Variants in TRIM65 observed in about 807,000 individuals in gnomAD.
The protein encoded by TRIM65 is tripartite motif containing 65.
In TRIM65, 46 loss-of-function variants were observed where a neutral mutation model predicts 36.1. The ratio of observed to expected loss-of-function variants is 1.27; its 90% CI spans 1.01 to 1.63. The LOEUF is 1.63. Ranked by LOEUF, TRIM65 falls within the 40% of genes most tolerant of loss-of-function variation. The pLI is 0.00. For synonymous variants in TRIM65, 346 were observed against 313.6 expected, an observed-to-expected ratio of 1.10 and a Z score of -1.09; for missense variants, 708 against 696.6, an observed-to-expected ratio of 1.02 and a Z score of -0.18.
chr17:75,893,964 ATCC>A (rs1343852634), intron 1 of TRIM65, among the ~76,000 whole-genome samples: 1 of 152,126 alleles, frequency 6.6e-6, no homozygotes, highest in Non-Finnish European at 1.5e-5. Flanking sequence ...ATCTCGTCTC[ATCC>A]TCCTCGGCGG....
chr17:75,892,993 C>G (rs745426004), intron 1 of TRIM65, 143 bp from the exon 2 acceptor site: 13 of 695,666 alleles, frequency 1.9e-5, no homozygotes, highest in Non-Finnish European at 2.9e-5. Flanking sequence ...GCACCGGCCT[C>G]GGTCTAACCC....
chr17:75,893,930 T>C (rs1031490650), intron 1 of TRIM65, among the ~76,000 whole-genome samples: 3 of 152,122 alleles, frequency 2.0e-5, no homozygotes, highest in Admixed American at 2.0e-4. Flanking sequence ...AGCTCAGTCT[T>C]CTGCACCCGC....
rs1203177176 is a variant in TRIM65 at position 75,890,412 on chromosome 17, C to G, written c.*367G>C. On this transcript the variant is annotated 3_prime_UTR_variant, in exon 6 of 6. Transcript: ENST00000269383. ...ACTCTGGCTCACCGCCCCTCCCTGA[C>G]TGCTCCTTTGGCCCTTATCATCTCC... The G allele has an allele frequency of 1.1e-5, 2 of 174,528 alleles. No individual in the cohort carries two copies. Among genetic ancestry groups the G allele is most frequent in the Non-Finnish European group, 2.4e-5 (2 of 83,946 alleles). 10.8% of individuals were successfully genotyped at this position (174,528 alleles called of 1,614,324 possible). A position where few individuals can be genotyped will look rare whatever the true frequency, so the allele number is the denominator to read the frequency against.
At position 75,891,098 on chromosome 17, in the gene TRIM65, T is replaced by A; in HGVS notation, c.1235A>T (p.His412Leu). 6.2e-7 allele frequency: 1 copy of A among 1,610,220 alleles called. No homozygotes were observed. The change falls in exon 6 of 6, where the codon CAC becomes CTC. Residue 412 changes from histidine to leucine, a missense_variant. Coordinates refer to ENST00000269383, the MANE Select transcript of TRIM65 (RefSeq NM_173547.4). Reference protein sequence around the residue: ...PQLPRCRLGPHTDNIGRGPCS... With the variant: ...PQLPRCRLGPLTDNIGRGPCS... ...GGGTCCCCGGCCAATGTTGTCTGTG[T>A]GGGGCCCCAGCCTGCACCGTGGCAG...
In TRIM65 at chr17:75,896,556, C is replaced by G; in HGVS notation, c.382G>C (p.Ala128Pro). Residue 128 changes from alanine to proline, a missense_variant, in exon 1 of 6, where the codon GCG (alanine) becomes CCG (proline). Ala to Pro is a conservative substitution (Grantham distance 27). Coordinates refer to ENST00000269383, the MANE Select transcript of TRIM65 (RefSeq NM_173547.4). ...TVRECRLHER[A>P]LLDAERLKRE... ...TTGAGGCGCTCGGCATCCAGCAGCG[C>G]CCGCTCGTGGAGGCGACACTCGCGC... 1 of 1,360,114 alleles carries G rather than the reference C, an allele frequency of 7.4e-7. No individual in the cohort carries two copies. Among genetic ancestry groups the G allele is most frequent in the Non-Finnish European group, 9.5e-7 (1 of 1,057,690 alleles). The allele number at this position is 1,360,114 out of a possible 1,614,324, so 84.3% of individuals were successfully genotyped here.
intron 4 of TRIM65, among the ~76,000 whole-genome samples, chr17:75,883,212 G>A (rs2065180041): frequency 6.7e-6 from 1 of 148,856 alleles, no homozygotes; most frequent in Admixed American, 6.6e-5. Flanking sequence ...CGCCTCCTGG[G>A]TTCAAGCCAT....
At chr17:75,880,414 T>TCCCAAAGTGCTAGGATTACAGGCGTGAG (rs2065162360) in exon 5 of TRIM65, 2 of 148,080 alleles carry the variant, frequency 1.4e-5, no homozygotes, top group African/African-American at 2.6e-5. Context: ...TGCCTCAGCC[T>TCCCAAAGTGCTAGGATTACAGGCGTGAG]CCCAAAGTGC....
In TRIM65 at chr17:75,896,948, C is replaced by A; in HGVS notation, c.-11G>T. 1.3e-6 allele frequency: 2 copies of A among 1,484,380 alleles called. No individual in the cohort carries two copies. The highest frequency in any genetic ancestry group is 1.8e-6 in the Non-Finnish European group (2 of 1,122,716). 92.0% of individuals were successfully genotyped at this position (1,484,380 alleles called of 1,614,324 possible). A position where few individuals can be genotyped will look rare whatever the true frequency, so the allele number is the denominator to read the frequency against. ...CAGCTGCGCGGCCATGGCCCGGCGGCGGCGAGAGCCAGGCGGGCCCCGGGC... is the reference window on the plus strand; with the variant it reads ...CAGCTGCGCGGCCATGGCCCGGCGGAGGCGAGAGCCAGGCGGGCCCCGGGC... On this transcript the variant is annotated 5_prime_UTR_variant, in exon 1 of 6. Coordinates refer to ENST00000269383, the MANE Select transcript of TRIM65 (RefSeq NM_173547.4).
chr17:75,891,061 C>G lies in TRIM65; in HGVS notation c.1272G>C (p.Gly424=). 1 of 1,612,290 alleles carries G rather than the reference C, an allele frequency of 6.2e-7. No individual in the cohort carries two copies. The highest frequency in any genetic ancestry group is 1.1e-5 in the South Asian group (1 of 91,040). Residue 424 remains glycine, a synonymous_variant, in exon 6 of 6, where the codon GGG becomes GGC. Transcript: ENST00000269383. ...GGAGGCTGTCCTCCTGGACGCAGAG[C>G]CCCCAGGAGCAGGGTCCCCGGCCAA... ...DNIGRGPCSW[G]LCVQEDSLQA... is the part of the protein sequence containing the mutation.
In TRIM65 at chr17:75,892,097, T is replaced by G. The variant is rs751544594; in HGVS notation, c.833A>C (p.Gln278Pro). ...GAGGCCACACAGCCGGCTTAGCAACTGCTTCAGGTCACCCAGCTGTTGGTC... is the reference window on the plus strand; with the variant it reads ...GAGGCCACACAGCCGGCTTAGCAACGGCTTCAGGTCACCCAGCTGTTGGTC... ...DEDQQLGDLKQLLSRLCGLLL... is the reference protein window; with the variant it reads ...DEDQQLGDLKPLLSRLCGLLL... The change falls in exon 4 of 6, where the codon CAG (glutamine) becomes CCG (proline). Residue 278 changes from glutamine (Q) to proline (P), a missense_variant. By Grantham distance (76) the Gln-to-Pro change is moderately conservative (BLOSUM62 -1). Transcript: ENST00000269383. 2.3e-5 allele frequency: 35 copies of G among 1,555,116 alleles called. No individual in the cohort carries two copies. The highest frequency in any genetic ancestry group is 2.9e-5 in the Non-Finnish European group (33 of 1,149,002).
Position 75,881,268 on chromosome 17 carries a change from G to C in TRIM65, c.350-639C>G, listed in dbSNP as rs544569746. Among the ~76,000 whole-genome samples, 8 of 144,484 alleles carry C rather than the reference G, an allele frequency of 5.5e-5. No individual in the cohort carries two copies. In the South Asian group the frequency reaches 1.3e-3, roughly 24 times the overall value. 94.8% of individuals were successfully genotyped at this position (144,484 alleles called of 152,430 possible). On this transcript the variant is annotated intron_variant, in intron 4 of 4. Transcript: ENST00000591668. ...AAAAAAAAAAAAAAAGAAAAGAAAAGAAGAAAGAAAGAAGGAGGGACCCAG... is the reference window on the plus strand; with the variant it reads ...AAAAAAAAAAAAAAAGAAAAGAAAACAAGAAAGAAAGAAGGAGGGACCCAG...
intron 1 of TRIM65, among the ~76,000 whole-genome samples, chr17:75,895,465 C>A (rs1480691589): frequency 2.0e-5 from 3 of 152,176 alleles, no homozygotes; most frequent in African/African-American, 4.8e-5. Context: ...CCGATCCTGC[C>A]CCTGCTGACC....
At chr17:75,886,072 A>G (rs1305960268), downstream of TRIM65, among the ~76,000 whole-genome samples, 1 of 152,136 alleles carries the variant, frequency 6.6e-6, no homozygotes, top group Admixed American at 6.5e-5. Flanking sequence ...ATGGTAATGA[A>G]TAAGTCTCAC....
intron 4 of TRIM65, among the ~76,000 whole-genome samples, chr17:75,883,508 C>T (rs576685559): frequency 3.1e-4 from 46 of 147,752 alleles, no homozygotes; most frequent in Admixed American, 2.0e-4. Context: ...GTCTTTTTTT[C>T]TCACTGTCTC....
intron 4 of TRIM65, chr17:75,880,698 T>C (rs773850203): frequency 2.0e-5 from 3 of 150,438 alleles, no homozygotes; most frequent in Non-Finnish European, 2.9e-5. Flanking sequence ...AGGTCATGCA[T>C]GTCCCCCGGT....
At chr17:75,885,737 C>A (rs1014742964), downstream of TRIM65, among the ~76,000 whole-genome samples, 1 of 152,214 alleles carries the variant, frequency 6.6e-6, no homozygotes, top group African/African-American at 2.4e-5. Context: ...TCTGTTCGGG[C>A]TTCATCCCTG....
downstream of TRIM65, among the ~76,000 whole-genome samples, chr17:75,886,293 C>A (rs561220408): frequency 6.6e-6 from 1 of 151,974 alleles, no homozygotes; most frequent in African/African-American, 2.4e-5. Flanking sequence ...GAGGCCGAGG[C>A]GGGCGGATCA....
rs1811281532 is a variant in TRIM65, at chr17:75,891,701, C to A, written c.985+112G>T. ...GCAGGACAGTCAAAACAAGTGCCCC[C>A]CTCACTCACACGTGCATACGAACAT... On this transcript the variant is annotated intron_variant, in intron 5 of 5. Coordinates refer to ENST00000269383, the MANE Select transcript of TRIM65 (RefSeq NM_173547.4). 2.2e-6 allele frequency: 3 copies of A among 1,350,852 alleles called. No individual in the cohort carries two copies. In the South Asian group the frequency reaches 3.8e-5, roughly 17 times the overall value. 83.7% of individuals were successfully genotyped at this position (1,350,852 alleles called of 1,614,324 possible).
chr17:75,894,552 A>AATGATTCCCAGCTC (rs1318140608), intron 1 of TRIM65, among the ~76,000 whole-genome samples: 1 of 152,064 alleles, frequency 6.6e-6, no homozygotes, highest in Non-Finnish European at 1.5e-5. Flanking sequence ...TCCTAGCGCT[A>AATGATTCCCAGCTC]ATGATTCCCA....
Sources: allele counts gnomAD v4.1 joint callset (sites outside exome capture counted in the v4.1 genomes callset), GRCh38; gene constraint gnomAD v4.1.1; transcripts MANE v1.5; gene names NCBI Gene and HGNC (gene_info 2026-07-23, HGNC 2026-07-21).